Variants in NSD1 observed in about 807,000 individuals in gnomAD.
NSD1 encodes histone-lysine N-methyltransferase, H3 lysine-36 specific.
In NSD1, 26 loss-of-function variants were observed where a neutral mutation model predicts 242.7. That is an observed-to-expected ratio of 0.11 (90% CI 0.08 to 0.15). NSD1 has a LOEUF of 0.15. Among genes scored for constraint, NSD1 ranks in the 10% least tolerant of loss-of-function variants. NSD1 has a pLI of 1.00. For synonymous variants in NSD1, 1,106 were observed against 1,178.1 expected, an observed-to-expected ratio of 0.94 and a Z score of 1.25; for missense variants, 2,495 against 3,272.8, an observed-to-expected ratio of 0.76 and a Z score of 5.80.
At position 177,198,104 on chromosome 5, in the gene NSD1, GGCTCCAGT is replaced by G. The variant is rs1427723223; in HGVS notation, c.1064-6008_1064-6001del. On this transcript the variant is annotated intron_variant, in intron 3 of 22. Coordinates refer to ENST00000439151, the MANE Select transcript of NSD1 (RefSeq NM_022455.5). ...AGCTCACTGCAACTTCCATCTCCCA[GGCTCCAGT>G]GCTCCAGGGCTCCAGCACTCCTTCC... Among the ~76,000 whole-genome samples, 7 of 152,086 alleles carry G rather than the reference GGCTCCAGT, an allele frequency of 4.6e-5. No individual in the cohort carries two copies. The East Asian group carries it at 1.3e-3, about 29-fold the overall frequency.
intron 5 of NSD1, among the ~76,000 whole-genome samples, chr5:177,223,053 T>G (rs1764359699): frequency 6.6e-6 from 1 of 151,978 alleles, no homozygotes; most frequent in Admixed American, 6.6e-5. Context: ...GGTGTCCACT[T>G]GTTGAAAAGA....
chr5:177,294,265 C>G lies in NSD1; in HGVS notation c.6897C>G (p.Leu2299=), dbSNP rs768193868. Reference sequence around the variant, plus strand: ...AGCCTTTAGATAAGGTCAGAGACCTCGCTGGGTCAGGGACCAAATCCCAAT... The same window carrying G: ...AGCCTTTAGATAAGGTCAGAGACCTGGCTGGGTCAGGGACCAAATCCCAAT... ...RPQPLDKVRD[L]AGSGTKSQSL... Residue 2299 remains leucine (L), a synonymous_variant, in exon 23 of 23, where the codon CTC becomes CTG. Transcript: ENST00000439151. 1 of 1,613,568 alleles carries G rather than the reference C, an allele frequency of 6.2e-7. No individual in the cohort carries two copies. Among genetic ancestry groups the G allele is most frequent in the East Asian group, 2.2e-5 (1 of 44,886 alleles).
At chr5:177,141,810 T>G (rs1207496965) in intron 2 of NSD1, among the ~76,000 whole-genome samples, 1 of 152,166 alleles carries the variant, frequency 6.6e-6, no homozygotes, top group Non-Finnish European at 1.5e-5. Flanking sequence ...TTGTGTTATA[T>G]TCACCTAAAA....
rs1287727520 is a variant in NSD1 at position 177,246,643 on chromosome 5, G to A, written c.4379-35G>A. The A allele has an allele frequency of 2.8e-6, 4 of 1,404,284 alleles. No homozygotes were observed. The African/African-American group carries it at 5.7e-5, about 20-fold the overall frequency. 87.0% of individuals were successfully genotyped at this position (1,404,284 alleles called of 1,614,324 possible). ...TAAGAGATTTTGGACATGTGTGTTA[G>A]TAGCCAGCAGTTAACACCTATTTTC... On this transcript the variant is annotated intron_variant, in intron 9 of 22. Coordinates refer to ENST00000439151, the MANE Select transcript of NSD1 (RefSeq NM_022455.5).
chr5:177,187,542 T>A (rs1380764919), intron 2 of NSD1, among the ~76,000 whole-genome samples: 1 of 152,206 alleles, frequency 6.6e-6, no homozygotes, highest in Non-Finnish European at 1.5e-5. Context: ...TACCACAAAC[T>A]AGCTGGCTTA....
chr5:177,201,028 G>C (rs574906510), intron 3 of NSD1, among the ~76,000 whole-genome samples: 9 of 151,062 alleles, frequency 6.0e-5, no homozygotes, highest in African/African-American at 1.9e-4. Context: ...GGGATTACAG[G>C]TGCATACCAC....
rs1385339363 is a variant in NSD1 at position 177,211,592 on chromosome 5, G to C, written c.3193G>C (p.Asp1065His). 6.2e-7 allele frequency: 1 copy of C among 1,614,156 alleles called. No homozygotes were observed. Among genetic ancestry groups the C allele is most frequent in the South Asian group, 1.1e-5 (1 of 91,078 alleles). The change falls in exon 5 of 23, where the codon GAT (aspartate) becomes CAT (histidine). Residue 1065 changes from aspartate to histidine, a missense_variant. Around this residue, in one of 19 missense-constraint regions of NSD1, gnomAD observed 426 missense variants for 411.4 expected, o/e 1.04. Coordinates refer to ENST00000439151, the MANE Select transcript of NSD1 (RefSeq NM_022455.5). Reference protein sequence around the residue: ...KLNQLPSVTLDAVLQGDRERG... With the variant: ...KLNQLPSVTLHAVLQGDRERG... ...GAATCAGCTTCCAAGTGTGACTCTT[G>C]ATGCTGTACTGCAGGGAGACCGAGA...
Position 177,158,237 on chromosome 5 carries a change from A to ATTTCTTTC in NSD1, c.927+22267_927+22274dup, listed in dbSNP as rs1166834243. 7.0e-3 allele frequency among the ~76,000 whole-genome samples: 764 copies of ATTTCTTTC among 109,008 alleles called. 11 individuals carry two copies. The highest frequency in any genetic ancestry group is 0.017 in the Middle Eastern group (4 of 236). The allele number at this position is 109,008 out of a possible 152,430, so 71.5% of individuals were successfully genotyped here. A position where few individuals can be genotyped will look rare whatever the true frequency, so the allele number is the denominator to read the frequency against. On this transcript the variant is annotated intron_variant, in intron 2 of 22. Transcript: ENST00000439151. ...CCTACTTTAGCCTATATGGGTTCTA[A>ATTTCTTTC]TTTCTTTCTTTCTTTCTTTCTTTCT... is the stretch of plus-strand genomic sequence containing the variant.
chr5:177,238,165 G>T lies in NSD1; in HGVS notation c.3922-72G>T. 3.3e-6 allele frequency: 5 copies of T among 1,513,078 alleles called. No individual in the cohort carries two copies. The South Asian group carries it at 5.6e-5, about 17-fold the overall frequency. The allele number at this position is 1,513,078 out of a possible 1,614,324, so 93.7% of individuals were successfully genotyped here. On this transcript the variant is annotated intron_variant, in intron 6 of 22. Coordinates refer to ENST00000439151, the MANE Select transcript of NSD1 (RefSeq NM_022455.5). The surrounding 1 kb of genome is among the most constrained non-coding windows in gnomAD (Gnocchi z 4.6). ...GTCAGAATTTCATTCCTTTTAAAGT[G>T]TGTTATTCTTTTTGACACTTAAATT... is the stretch of plus-strand genomic sequence containing the variant.
chr5:177,189,709 TGTATTTG>T (rs1483249106), intron 2 of NSD1, among the ~76,000 whole-genome samples: 10 of 152,224 alleles, frequency 6.6e-5, no homozygotes, highest in Non-Finnish European at 1.5e-5. Flanking sequence ...TGTTACTTAA[TGTATTTG>T]AAGTCATTTA....
rs534402937 is a variant in NSD1 at position 177,134,742 on chromosome 5, G to A, written c.-17-345G>A. 6.6e-6 allele frequency among the ~76,000 whole-genome samples: 1 copy of A among 152,234 alleles called. No individual in the cohort carries two copies. On this transcript the variant is annotated intron_variant, in intron 1 of 22. Coordinates refer to ENST00000439151, the MANE Select transcript of NSD1 (RefSeq NM_022455.5). The surrounding 1 kb of genome is among the most constrained non-coding windows in gnomAD (Gnocchi z 4.2). ...TTGCTTTTGAGAGATCCAGCTGCTCGACCCCTGGCGAGGGAGGGGGAGGAC... is the reference window on the plus strand; with the variant it reads ...TTGCTTTTGAGAGATCCAGCTGCTCAACCCCTGGCGAGGGAGGGGGAGGAC...
Position 177,211,209 on chromosome 5 carries a change from G to C in NSD1, c.2810G>C (p.Arg937Pro), listed in dbSNP as rs1023599621. ...LMTAQNLVSYRSPGRGDCSTN... is the reference protein window; with the variant it reads ...LMTAQNLVSYPSPGRGDCSTN... ...ACTGCTCAAAACCTGGTCTCTTACCGGAGTCCTGGTCGTGGGGACTGTTCT... is the reference window on the plus strand; with the variant it reads ...ACTGCTCAAAACCTGGTCTCTTACCCGAGTCCTGGTCGTGGGGACTGTTCT... Residue 937 changes from arginine to proline, a missense_variant, in exon 5 of 23, where the codon CGG becomes CCG. Physicochemically the swap from Arg to Pro is moderately radical, Grantham distance 103. Transcript: ENST00000439151. 6.2e-7 allele frequency: 1 copy of C among 1,613,854 alleles called. No homozygotes were observed. The highest frequency in any genetic ancestry group is 8.5e-7 in the Non-Finnish European group (1 of 1,179,948).
intron 2 of NSD1, among the ~76,000 whole-genome samples, chr5:177,171,891 AAAT>A (rs1425931598): frequency 6.6e-6 from 1 of 152,256 alleles, no homozygotes; most frequent in Non-Finnish European, 1.5e-5. Flanking sequence ...TCGACAATGT[AAAT>A]AATGTCGCTA....
chr5:177,138,491 G>A (rs759016836), intron 2 of NSD1, among the ~76,000 whole-genome samples: 2 of 152,092 alleles, frequency 1.3e-5, no homozygotes, highest in Non-Finnish European at 2.9e-5. Context: ...CCTGACCTCA[G>A]GTGATCCGCC....
intron 19 of NSD1, among the ~76,000 whole-genome samples, chr5:177,283,225 A>G (rs1199712570): frequency 6.6e-6 from 1 of 152,204 alleles, no homozygotes; most frequent in Non-Finnish European, 1.5e-5. Context: ...AAGTGCTGGG[A>G]TTACAGGCAT....
At chr5:177,175,355 G>A (rs1406274669) in intron 2 of NSD1, among the ~76,000 whole-genome samples, 1 of 152,122 alleles carries the variant, frequency 6.6e-6, no homozygotes, top group Non-Finnish European at 1.5e-5. Flanking sequence ...GGCTGGGGAC[G>A]TGGCTCACAC....
intron 2 of NSD1, among the ~76,000 whole-genome samples, chr5:177,165,050 T>G (rs1408909401): frequency 3.9e-5 from 6 of 152,092 alleles, no homozygotes; most frequent in Non-Finnish European, 8.8e-5. Context: ...GAGGATCACT[T>G]GAACTCAGAA....
At chr5:177,222,897 G>A (rs1216254845) in intron 5 of NSD1, among the ~76,000 whole-genome samples, 1 of 151,918 alleles carries the variant, frequency 6.6e-6, no homozygotes, top group African/African-American at 2.4e-5. Flanking sequence ...CTGTTTGTTT[G>A]CTATTGTTGG....
intron 5 of NSD1, among the ~76,000 whole-genome samples, chr5:177,212,620 T>C (rs1362150600): frequency 6.6e-6 from 1 of 151,778 alleles, no homozygotes; most frequent in Non-Finnish European, 1.5e-5. Context: ...TACTCTTGCC[T>C]GACCTGTTCC....
Sources: gnomAD v4.1 joint callset for allele counts (sites outside exome capture counted in the v4.1 genomes callset) on GRCh38, gnomAD v4.1.1 for gene constraint, gnomAD v4.1.1 regional missense constraint, Gnocchi (gnomAD v3.1) non-coding constraint, MANE v1.5 for transcripts, NCBI Gene and HGNC (gene_info 2026-07-23, HGNC 2026-07-21) for gene names.